Variants in PDZD2 observed in about 807,000 individuals in gnomAD.
PDZD2 encodes PDZ domain-containing protein 2.
In PDZD2, 90 loss-of-function variants were observed where a neutral mutation model predicts 220.7. The observed-to-expected ratio is 0.41, with a 90% confidence interval of 0.34 to 0.49. PDZD2 has a LOEUF of 0.49. PDZD2 is among the 20% of genes least tolerant of loss of function. The probability of loss-of-function intolerance (pLI) is 0.28; values close to 1 mark genes in which losing one functional copy is unlikely to be tolerated. For synonymous variants in PDZD2, 1,375 were observed against 1,450.5 expected (o/e 0.95, Z 1.18); for missense variants, 3,174 against 3,608.5 (o/e 0.88, Z 3.08).
At chr5:31,805,859 C>T (rs1754684298) in intron 2 of PDZD2, among the ~76,000 whole-genome samples, 1 of 152,148 alleles carries the variant, frequency 6.6e-6, no homozygotes, top group Non-Finnish European at 1.5e-5. Flanking sequence ...CGGTCACAGA[C>T]TCAACACAGG....
chr5:31,826,889 T>C (rs1756259986), intron 2 of PDZD2, among the ~76,000 whole-genome samples: 1 of 152,118 alleles, frequency 6.6e-6, no homozygotes, highest in Non-Finnish European at 1.5e-5. Flanking sequence ...AACCCATCTA[T>C]TAAGAGACAG....
chr5:31,853,470 C>G (rs62360851), intron 2 of PDZD2, among the ~76,000 whole-genome samples: 12,420 of 152,214 alleles, frequency 0.082, 619 homozygotes, highest in Middle Eastern at 0.14. Context: ...CTGTTGTGCC[C>G]ACCTGAATGA....
chr5:31,934,312 C>T (rs1745538914), intron 2 of PDZD2, among the ~76,000 whole-genome samples: 1 of 152,050 alleles, frequency 6.6e-6, no homozygotes, highest in Non-Finnish European at 1.5e-5. Context: ...AGGAAGTTAC[C>T]CACACGATCA....
At chr5:32,103,196 C>T (rs1455457325) in intron 24 of PDZD2, among the ~76,000 whole-genome samples, 1 of 152,146 alleles carries the variant, frequency 6.6e-6, no homozygotes, top group East Asian at 1.9e-4. Flanking sequence ...ACTATGCAGA[C>T]TGAAAAACTC....
chr5:31,675,645 G>A (rs1405187308), intron 1 of PDZD2, among the ~76,000 whole-genome samples: 4 of 152,280 alleles, frequency 2.6e-5, no homozygotes, highest in South Asian at 2.1e-4. Context: ...TGGCCCAATC[G>A]ATGTCTTACA....
intron 2 of PDZD2, among the ~76,000 whole-genome samples, chr5:31,886,649 G>A (rs1561542293): frequency 6.6e-6 from 1 of 152,040 alleles, no homozygotes; most frequent in Admixed American, 6.6e-5. Context: ...ACTGTTACAG[G>A]TAGAGCCCAG....
chr5:31,829,467 G>A (rs1201391657), intron 2 of PDZD2, among the ~76,000 whole-genome samples: 2 of 151,636 alleles, frequency 1.3e-5, no homozygotes, highest in Non-Finnish European at 2.9e-5. Context: ...GGGATTGCAG[G>A]CACCACACCT....
intron 14 of PDZD2, among the ~76,000 whole-genome samples, chr5:32,062,540 C>T (rs1482464983): frequency 1.3e-5 from 2 of 151,842 alleles, no homozygotes; most frequent in Non-Finnish European, 2.9e-5. Flanking sequence ...ACCATGGGTG[C>T]GTGCCAATAC....
chr5:31,923,845 A>G (rs1744508386), intron 2 of PDZD2, among the ~76,000 whole-genome samples: 2 of 152,138 alleles, frequency 1.3e-5, no homozygotes, highest in Non-Finnish European at 2.9e-5. Context: ...ACTGCCCTTG[A>G]CCACTTCGGC....
chr5:31,809,551 T>C (rs1437414990), intron 2 of PDZD2, among the ~76,000 whole-genome samples: 3 of 152,164 alleles, frequency 2.0e-5, no homozygotes, highest in Non-Finnish European at 4.4e-5. Flanking sequence ...CTCTTCGTGA[T>C]GGATGACAGA....
intron 18 of PDZD2, among the ~76,000 whole-genome samples, chr5:32,076,211 G>A (rs1369979659): frequency 2.0e-5 from 3 of 151,042 alleles, no homozygotes; most frequent in Admixed American, 6.6e-5. Context: ...TCTTGAACTC[G>A]GGAGGTGGTG....
At chr5:31,933,857 A>T (rs1745503318) in intron 2 of PDZD2, among the ~76,000 whole-genome samples, 1 of 152,206 alleles carries the variant, frequency 6.6e-6, no homozygotes, top group African/African-American at 2.4e-5. Flanking sequence ...ACCAAGGTGG[A>T]CACGAAGAAG....
intron 1 of PDZD2, among the ~76,000 whole-genome samples, chr5:31,766,427 T>A (rs915479293): frequency 1.2e-4 from 19 of 152,178 alleles, no homozygotes; most frequent in African/African-American, 4.3e-4. Flanking sequence ...CCGCCTAGGC[T>A]GGAGTGCAGT....
rs538774672 is a variant in PDZD2, at chr5:31,854,938, T to C, written c.476+55214T>C. ...GGAGGGGGGGGTCCTCCCACAGACC[T>C]GGAGCCGGCGGAGAGCAGCCTTCGG... is the stretch of plus-strand genomic sequence containing the variant. On this transcript the variant is annotated intron_variant, in intron 2 of 24. Coordinates refer to ENST00000438447, the MANE Select transcript of PDZD2 (RefSeq NM_178140.4). The C allele has an allele frequency of 4.7e-5, 46 of 983,688 alleles. 1 individual carries two copies. The South Asian group carries it at 2.1e-3, about 44-fold the overall frequency. The allele number at this position is 983,688 out of a possible 1,614,324, so 60.9% of individuals were successfully genotyped here.
intron 2 of PDZD2, among the ~76,000 whole-genome samples, chr5:31,977,036 A>T (rs114171714): frequency 0.024 from 3,440 of 144,412 alleles, 144 homozygotes; most frequent in African/African-American, 0.085. Flanking sequence ...TTTTTTTTTT[A>T]AAGTAGAGAC....
At chr5:31,733,619 A>T (rs998070496) in intron 1 of PDZD2, among the ~76,000 whole-genome samples, 1 of 152,182 alleles carries the variant, frequency 6.6e-6, no homozygotes, top group Non-Finnish European at 1.5e-5. Flanking sequence ...CCAAGCTGGT[A>T]CGATAGAAGC....
chr5:31,785,688 G>A (rs1222486603), intron 1 of PDZD2, among the ~76,000 whole-genome samples: 3 of 151,920 alleles, frequency 2.0e-5, no homozygotes, highest in Non-Finnish European at 4.4e-5. Context: ...TGATCCTCCT[G>A]CCTCAGCCTC....
chr5:31,832,543 G>A (rs80353253), intron 2 of PDZD2: 17,088 of 152,278 alleles, frequency 0.11, 1,075 homozygotes, highest in Non-Finnish European at 0.15. Context: ...GGTCGGGCGC[G>A]GTGGCTCATG....
At chr5:31,951,986 T>G (rs1561171662) in intron 2 of PDZD2, among the ~76,000 whole-genome samples, 2 of 152,254 alleles carry the variant, frequency 1.3e-5, no homozygotes, top group Non-Finnish European at 1.5e-5. Context: ...CAGATCTTAT[T>G]TCTCTCTCTC....
Sources: gnomAD v4.1 joint callset for allele counts (sites outside exome capture counted in the v4.1 genomes callset) on GRCh38, gnomAD v4.1.1 for gene constraint, MANE v1.5 for transcripts, NCBI Gene and HGNC (gene_info 2026-07-23, HGNC 2026-07-21) for gene names.